Variants in TAB3 observed in about 807,000 individuals in gnomAD.
TAB3 encodes TGF-beta activated kinase 1 (MAP3K7) binding protein 3.
In TAB3, 18 loss-of-function variants were observed where a neutral mutation model predicts 48.1. The observed-to-expected ratio is 0.37, with a 90% confidence interval of 0.26 to 0.55. The LOEUF is 0.55. Among genes scored for constraint, TAB3 ranks in the 20% least tolerant of loss-of-function variants. The pLI is 0.78. For synonymous variants in TAB3, 185 were observed against 190.2 expected (o/e 0.97, Z 0.22); for missense variants, 414 against 549.8 (o/e 0.75, Z 2.47).
At chrX:30,854,018 T>C in intron 6 of TAB3, 98 bp downstream of exon 6, 1 of 968,776 alleles carries the variant, frequency 1.0e-6, no homozygotes, top group Non-Finnish European at 1.4e-6. Flanking sequence ...CAACATTTAA[T>C]ACTAAACATT....
At chrX:30,888,278 T>C (rs1430250141) in intron 1 of TAB3, among the ~76,000 whole-genome samples, 1 of 112,795 alleles carries the variant, frequency 8.9e-6, no homozygotes, top group African/African-American at 3.2e-5. Context: ...CCAAAATGAC[T>C]GCCTGATTGA....
Position 30,846,661 on chromosome X carries a change from C to CA in TAB3, c.1711-18dup. 6 of 1,071,227 alleles carry CA rather than the reference C, an allele frequency of 5.6e-6. No individual in the cohort carries two copies. Among genetic ancestry groups the CA allele is most frequent in the Non-Finnish European group, 7.7e-6 (6 of 781,282 alleles). 88.3% of individuals were successfully genotyped at this position (1,071,227 alleles called of 1,213,427 possible). ...TTCCTCAGGCTAGTAAGAAAGGACC[C>CA]AAAATAGCAATTGTGGGAAAGTCAT... On this transcript the variant is annotated splice_polypyrimidine_tract_variant and intron_variant, in intron 7 of 10. Coordinates refer to ENST00000288422, the MANE Select transcript of TAB3 (RefSeq NM_152787.5).
At position 30,865,518 on chromosome X, in the gene TAB3, G is replaced by A. The variant is rs187142259; in HGVS notation, c.-91+1597C>T. Among the ~76,000 whole-genome samples the A allele has an allele frequency of 6.3e-5, 7 of 111,924 alleles. No homozygotes were observed. In the South Asian group the frequency reaches 1.1e-3, roughly 18 times the overall value. Reference sequence around the variant, plus strand: ...GATTTTAGATCATATTTACTGAGCCGTATCTGAGTATCAAGTACTGTGCTA... The same window carrying A: ...GATTTTAGATCATATTTACTGAGCCATATCTGAGTATCAAGTACTGTGCTA... On this transcript the variant is annotated intron_variant, in intron 4 of 10. Coordinates refer to ENST00000288422, the MANE Select transcript of TAB3 (RefSeq NM_152787.5).
In TAB3 at chrX:30,847,306, C is replaced by G. The variant is rs186654275; in HGVS notation, c.1711-662G>C. Among the ~76,000 whole-genome samples, 173 of 109,803 alleles carry G rather than the reference C, an allele frequency of 1.6e-3. 1 individual carries two copies. The highest frequency in any genetic ancestry group is 5.2e-3 in the African/African-American group (158 of 30,321). On this transcript the variant is annotated intron_variant, in intron 7 of 10. Coordinates refer to ENST00000288422, the MANE Select transcript of TAB3 (RefSeq NM_152787.5). ...CTCTAGCACATGAAAACTTCAGAAA[C>G]AAATGAATTCCATTTGTTCCCCAAC... is the stretch of plus-strand genomic sequence containing the variant.
At position 30,839,400 on chromosome X, in the gene TAB3, G is replaced by C. The variant is rs760323008; in HGVS notation, c.1888+3566C>G. Reference sequence around the variant, plus strand: ...TTATATAGTGACTATAAGTCAATGAGATAGAAAACAGAATTATGGATTTTT... The same window carrying C: ...TTATATAGTGACTATAAGTCAATGACATAGAAAACAGAATTATGGATTTTT... On this transcript the variant is annotated intron_variant, in intron 9 of 10. Coordinates refer to ENST00000288422, the MANE Select transcript of TAB3 (RefSeq NM_152787.5). Among the ~76,000 whole-genome samples, 945 of 111,923 alleles carry C rather than the reference G, an allele frequency of 8.4e-3. 5 individuals are homozygous for C. Among genetic ancestry groups the C allele is most frequent in the African/African-American group, 0.029 (890 of 30,807 alleles).
intron 4 of TAB3, among the ~76,000 whole-genome samples, chrX:30,861,515 C>T (rs1939251982): frequency 9.0e-6 from 1 of 111,625 alleles, no homozygotes; most frequent in Non-Finnish European, 1.9e-5. Flanking sequence ...ATCTGAAATA[C>T]TAAGAGATGC....
chrX:30,841,421 AAAAAAG>A (rs1227195397), intron 9 of TAB3, among the ~76,000 whole-genome samples: 11 of 110,605 alleles, frequency 9.9e-5, no homozygotes, highest in Non-Finnish European at 1.9e-4. Context: ...TCTCAAAAAA[AAAAAAG>A]AAATCAATAG....
intron 4 of TAB3, among the ~76,000 whole-genome samples, chrX:30,860,069 T>G: frequency 1.8e-5 from 2 of 111,791 alleles, no homozygotes; most frequent in Admixed American, 1.9e-4. Context: ...CTGGCCACAT[T>G]TGCAACAATT....
intron 1 of TAB3, among the ~76,000 whole-genome samples, chrX:30,873,524 C>CA (rs61644834): frequency 0.084 from 4,248 of 50,458 alleles, 126 homozygotes; most frequent in African/African-American, 0.098. Flanking sequence ...GACTCCGTCT[C>CA]AAAAAAAAAA....
At chrX:30,879,054 C>A (rs1484701291) in intron 1 of TAB3, among the ~76,000 whole-genome samples, 1 of 110,760 alleles carries the variant, frequency 9.0e-6, no homozygotes, top group African/African-American at 3.3e-5. Context: ...AGAAAAAGAG[C>A]AAAATAATTC....
At chrX:30,871,977 C>T in intron 1 of TAB3, among the ~76,000 whole-genome samples, 176 bp from the exon 2 acceptor site, 1 of 112,113 alleles carries the variant, frequency 8.9e-6, no homozygotes, top group Non-Finnish European at 1.9e-5. Context: ...AGAAAGTTTT[C>T]CTGACTGCCT....
chrX:30,854,583 C>T lies in TAB3; in HGVS notation c.1082G>A (p.Gly361Asp). 1 of 1,211,328 alleles carries T rather than the reference C, an allele frequency of 8.3e-7. No homozygotes were observed. The highest frequency in any genetic ancestry group is 1.1e-6 in the Non-Finnish European group (1 of 895,341). The stretch of plus-strand genomic sequence containing the variant: ...TGTAATTTCTATCTTCTTCATGGAA[C>T]CTTTGGATAAACTAGATGCTGTGTA... ...LPYTASSLSK[G>D]SMKKIEITVE... is the part of the protein sequence containing the mutation. Residue 361 changes from glycine to aspartate, a missense_variant, in exon 6 of 11, where the codon GGT becomes GAT. Physicochemically the swap from Gly to Asp is moderately conservative, Grantham distance 94. Transcript: ENST00000288422.
At chrX:30,866,870 T>TAA (rs77868699) in intron 4 of TAB3, among the ~76,000 whole-genome samples, 30,810 of 74,504 alleles carry the variant, frequency 0.41, 6,744 homozygotes, top group Non-Finnish European at 0.55. Context: ...AAGGGGTGTT[T>TAA]AAAAAAAAAA....
In TAB3 at chrX:30,854,533, T is replaced by A; in HGVS notation, c.1132A>T (p.Thr378Ser). ...GGTGAAGGACTCCTATTAATTGCTG[T>A]CCCAGGTCTTTGAGAAGGTTCAACT... Reference protein sequence around the residue: ...ITVEPSQRPGTAINRSPSPIS... With the variant: ...ITVEPSQRPGSAINRSPSPIS... Residue 378 changes from threonine (T) to serine (S), a missense_variant, in exon 6 of 11, where the codon ACA (threonine) becomes TCA (serine). Physicochemically the swap from Thr to Ser is moderately conservative, Grantham distance 58. Coordinates refer to ENST00000288422, the MANE Select transcript of TAB3 (RefSeq NM_152787.5). 8.3e-7 allele frequency: 1 copy of A among 1,210,608 alleles called. No individual in the cohort carries two copies. The highest frequency in any genetic ancestry group is 1.8e-5 in the South Asian group (1 of 56,949).
chrX:30,835,905 A>C lies in TAB3; in HGVS notation c.1889-1753T>G, dbSNP rs778337453. The C allele has an allele frequency of 3.6e-5, 4 of 112,339 alleles. No individual in the cohort carries two copies. In the East Asian group the frequency reaches 1.1e-3, roughly 32 times the overall value. 9.3% of individuals were successfully genotyped at this position (112,339 alleles called of 1,213,427 possible). On this transcript the variant is annotated intron_variant, in intron 9 of 10. Transcript: ENST00000288422. ...AAGACATTTATTTATTCGAACCAATAAACCTATTCTACCAGTAATTTGTGT... is the reference window on the plus strand; with the variant it reads ...AAGACATTTATTTATTCGAACCAATCAACCTATTCTACCAGTAATTTGTGT...
Position 30,854,335 on chromosome X carries a change from A to G in TAB3, c.1330T>C (p.Ser444Pro). Reference protein sequence around the residue: ...PTGPSCTPSPSPRVIPNPTTV... With the variant: ...PTGPSCTPSPPPRVIPNPTTV... ...GTTGGGTTTGGTATCACTCGAGGAGATGGTGATGGAGTACAAGAAGGTCCA... is the reference window on the plus strand; with the variant it reads ...GTTGGGTTTGGTATCACTCGAGGAGGTGGTGATGGAGTACAAGAAGGTCCA... Residue 444 changes from serine to proline, a missense_variant, in exon 6 of 11, where the codon TCT becomes CCT. Transcript: ENST00000288422. The G allele has an allele frequency of 4.1e-6, 5 of 1,211,130 alleles. No homozygotes were observed. The East Asian group carries it at 1.5e-4, about 36-fold the overall frequency.
Position 30,871,732 on chromosome X carries a change from G to A in TAB3, c.-313C>T, listed in dbSNP as rs1217360208. ...TTTCAACTGGTGAAAATTCAACTAA[G>A]ATAATTCATCCAGTTTGACACAACA... On this transcript the variant is annotated 5_prime_UTR_variant, in exon 2 of 11. Coordinates refer to ENST00000288422, the MANE Select transcript of TAB3 (RefSeq NM_152787.5). The A allele has an allele frequency of 1.8e-5, 2 of 111,765 alleles. No individual in the cohort carries two copies. The highest frequency in any genetic ancestry group is 6.5e-5 in the African/African-American group (2 of 30,726). 9.2% of individuals were successfully genotyped at this position (111,765 alleles called of 1,213,427 possible). A position where few individuals can be genotyped will look rare whatever the true frequency, so the allele number is the denominator to read the frequency against.
intron 1 of TAB3, among the ~76,000 whole-genome samples, chrX:30,879,148 A>T (rs754869753): frequency 8.9e-5 from 10 of 112,389 alleles, no homozygotes; most frequent in Non-Finnish European, 1.5e-4. Context: ...TAGTATTTTT[A>T]AAACTGCATC....
rs1308117063 is a variant in TAB3, at chrX:30,867,522, A to G, written c.-252T>C. 8.9e-6 allele frequency: 1 copy of G among 111,990 alleles called. No individual in the cohort carries two copies. The highest frequency in any genetic ancestry group is 1.9e-5 in the Non-Finnish European group (1 of 53,207). The allele number at this position is 111,990 out of a possible 1,213,427, so 9.2% of individuals were successfully genotyped here. A position where few individuals can be genotyped will look rare whatever the true frequency, so the allele number is the denominator to read the frequency against. Reference sequence around the variant, plus strand: ...TTTTATTCACATCTCCAGCTCTGAAAGCAACTTCTTTTCAGTAGTCTAGAA... The same window carrying G: ...TTTTATTCACATCTCCAGCTCTGAAGGCAACTTCTTTTCAGTAGTCTAGAA... On this transcript the variant is annotated 5_prime_UTR_variant, in exon 3 of 11. Coordinates refer to ENST00000288422, the MANE Select transcript of TAB3 (RefSeq NM_152787.5).
Sources: gnomAD v4.1 joint callset for allele counts (sites outside exome capture counted in the v4.1 genomes callset) on GRCh38, gnomAD v4.1.1 for gene constraint, MANE v1.5 for transcripts, NCBI Gene and HGNC (gene_info 2026-07-23, HGNC 2026-07-21) for gene names.